Variants in COL6A3 observed in about 807,000 individuals in gnomAD.
COL6A3 encodes collagen alpha-3(VI) chain.
In COL6A3, 137 loss-of-function variants were observed where a neutral mutation model predicts 274.1. The observed-to-expected ratio is 0.50, with a 90% CI of 0.44 to 0.58. COL6A3 has a LOEUF of 0.58. Ranked by LOEUF, COL6A3 falls within the 20% of genes least tolerant of loss-of-function variation. The pLI is 0.00. For missense variants in COL6A3, 3,950 were observed against 4,124.9 expected (o/e 0.96, Z 1.16); for synonymous variants, 1,650 against 1,650.6 (o/e 1.00, Z 0.01).
At position 237,407,952 on chromosome 2, in the gene COL6A3, T is replaced by C. The variant is rs564156802; in HGVS notation, c.-31+6001A>G. Among the ~76,000 whole-genome samples, 2 of 152,330 alleles carry C rather than the reference T, an allele frequency of 1.3e-5. No individual in the cohort carries two copies. The highest frequency in any genetic ancestry group is 2.9e-5 in the Non-Finnish European group (2 of 68,026). ...GCCACGTGACGCTGCTGGATCCAAATTGGAGCTTGGCACTTATTCCTGTCT... is the reference window on the plus strand; with the variant it reads ...GCCACGTGACGCTGCTGGATCCAAACTGGAGCTTGGCACTTATTCCTGTCT... On this transcript the variant is annotated intron_variant, in intron 1 of 43. Coordinates refer to ENST00000295550, the MANE Select transcript of COL6A3 (RefSeq NM_004369.4). The surrounding 1 kb of genome is among the most constrained non-coding windows in gnomAD (Gnocchi z 4.3).
chr2:237,345,308 G>C, intron 32 of COL6A3, 95 bp from the exon 33 acceptor site: 1 of 1,221,216 alleles, frequency 8.2e-7, no homozygotes, highest in Non-Finnish European at 1.2e-6. Context: ...GCAAGACAAA[G>C]GGGCCCCTGG....
chr2:237,392,245 A>C (rs1474015990), intron 3 of COL6A3, among the ~76,000 whole-genome samples: 2 of 152,232 alleles, frequency 1.3e-5, no homozygotes, highest in African/African-American at 2.4e-5. Context: ...CCTCTTCTTC[A>C]TCAAGTTCTG....
At position 237,344,903 on chromosome 2, in the gene COL6A3, T is replaced by C; in HGVS notation, c.7174+38A>G. On this transcript the variant is annotated intron_variant, in intron 35 of 43. Transcript: ENST00000295550. The surrounding 1 kb of genome is among the most constrained non-coding windows in gnomAD (Gnocchi z 4.8). ...ACTGTACTTACTACAAAAGGGAGGCTTCCTTTCCTTAGGAGAAAGTCACCA... is the reference window on the plus strand; with the variant it reads ...ACTGTACTTACTACAAAAGGGAGGCCTCCTTTCCTTAGGAGAAAGTCACCA... 1 of 1,614,078 alleles carries C rather than the reference T, an allele frequency of 6.2e-7. No homozygotes were observed. The highest frequency in any genetic ancestry group is 1.3e-5 in the African/African-American group (1 of 75,038).
At position 237,361,013 on chromosome 2, in the gene COL6A3, G is replaced by A. The variant is rs1322108740; in HGVS notation, c.6210+108C>T. 5.3e-6 allele frequency: 5 copies of A among 943,802 alleles called. No individual in the cohort carries two copies. Among genetic ancestry groups the A allele is most frequent in the Non-Finnish European group, 7.0e-6 (4 of 573,866 alleles). The allele number at this position is 943,802 out of a possible 1,614,324, so 58.5% of individuals were successfully genotyped here. A position where few individuals can be genotyped will look rare whatever the true frequency, so the allele number is the denominator to read the frequency against. On this transcript the variant is annotated intron_variant, in intron 16 of 43. Transcript: ENST00000295550. The surrounding 1 kb of genome is among the most constrained non-coding windows in gnomAD (Gnocchi z 5.1). ...AGTATAAATTAATTTTTCTCCCAAA[G>A]GGAAAGCCATCAGCAACTGAACAAA... is the stretch of plus-strand genomic sequence containing the variant.
rs145340022 is a variant in COL6A3 at position 237,405,390 on chromosome 2, G to T, written c.-30-8543C>A. ...AAATTCCCTGGCAGCAAATTTTGGA[G>T]AACTTTTTCATTTAGATTATTAAAA... On this transcript the variant is annotated intron_variant, in intron 1 of 43. Transcript: ENST00000295550. Among the ~76,000 whole-genome samples, 624 of 152,272 alleles carry T rather than the reference G, an allele frequency of 4.1e-3. 7 individuals carry two copies. The highest frequency in any genetic ancestry group is 0.014 in the African/African-American group (600 of 41,568).
intron 26 of COL6A3, 88 bp from the exon 27 acceptor site, chr2:237,351,280 A>C (rs537287441): frequency 7.8e-7 from 1 of 1,287,504 alleles, no homozygotes; most frequent in African/African-American, 1.5e-5. Context: ...CCTGCATGGA[A>C]GTCAGAGCCC....
In COL6A3 at chr2:237,364,359, G is replaced by A. The variant is rs886042371; in HGVS notation, c.5908C>T (p.Arg1970Cys). The A allele has an allele frequency of 3.7e-6, 6 of 1,613,656 alleles. No individual in the cohort carries two copies. The highest frequency in any genetic ancestry group is 5.1e-6 in the Non-Finnish European group (6 of 1,179,660). The change falls in exon 13 of 44, where the codon CGC becomes TGC. Residue 1970 changes from arginine to cysteine, a missense_variant. This residue lies in a region of COL6A3 where 632 missense variants were observed against 623.4 expected (regional missense o/e 1.01). Coordinates refer to ENST00000295550, the MANE Select transcript of COL6A3 (RefSeq NM_004369.4). The surrounding 1 kb of genome is among the most constrained non-coding windows in gnomAD (Gnocchi z 4.6). ...AAGCCTTGGCACCTACCTTCTTGGC[G>A]GAGGTTCTCAGATGCTCTGTGTAAA... ...ADLHRASENL[R>C]QEGVRALILV...
In COL6A3 at chr2:237,340,841, T is replaced by C. The variant is rs371571488; in HGVS notation, c.8075A>G (p.Tyr2692Cys). ...GTCCACCAGCTTCTCCTTGGAGCCA[T>C]AGTCAGTCAGGGAGAATTCCACCTT... ...PVKVEFSLTD[Y>C]GSKEKLVDFL... is the part of the protein sequence containing the mutation. Residue 2692 changes from tyrosine to cysteine, a missense_variant, in exon 38 of 44, where the codon TAT (tyrosine) becomes TGT (cysteine). Transcript: ENST00000295550. The C allele has an allele frequency of 3.1e-5, 50 of 1,614,046 alleles. No individual in the cohort carries two copies. Among genetic ancestry groups the C allele is most frequent in the Middle Eastern group, 3.3e-4 (2 of 6,084 alleles).
At position 237,367,363 on chromosome 2, in the gene COL6A3, A is replaced by G. The variant is rs933724723; in HGVS notation, c.4901-77T>C. 8.8e-6 allele frequency: 13 copies of G among 1,478,480 alleles called. No individual in the cohort carries two copies. In the East Asian group the frequency reaches 2.5e-4, roughly 28 times the overall value. The allele number at this position is 1,478,480 out of a possible 1,614,324, so 91.6% of individuals were successfully genotyped here. The stretch of plus-strand genomic sequence containing the variant: ...ACATAAATACACAAAAGGTAAAATT[A>G]AATAACTGAAATAAGACATTCCTAA... On this transcript the variant is annotated intron_variant, in intron 10 of 43. Transcript: ENST00000295550.
At chr2:237,328,560 C>T (rs1228686464) in intron 42 of COL6A3, 1 of 152,204 alleles carries the variant, frequency 6.6e-6, no homozygotes, top group African/African-American at 2.4e-5. Context: ...GCAATGCTGT[C>T]ACAATGAGAA....
At position 237,381,207 on chromosome 2, in the gene COL6A3, G is replaced by T; in HGVS notation, c.1605C>A (p.Asn535Lys). The change falls in exon 5 of 44, where the codon AAC (asparagine) becomes AAA (lysine). Residue 535 changes from asparagine (N) to lysine (K), a missense_variant. By Grantham distance (94) the Asn-to-Lys change is moderately conservative. This residue lies in a region of COL6A3 where 1,934 missense variants were observed against 1,984.3 expected (regional missense o/e 0.97). Transcript: ENST00000295550. ...GGTAGCCGGCTGAACTCGTGAATAGGTTGTTACGAACAAAGTCTAGAGCAG... is the reference window on the plus strand; with the variant it reads ...GGTAGCCGGCTGAACTCGTGAATAGTTTGTTACGAACAAAGTCTAGAGCAG... ...TGSALDFVRN[N>K]LFTSSAGYRA... is the part of the protein sequence containing the mutation. 1 of 1,614,270 alleles carries T rather than the reference G, an allele frequency of 6.2e-7. No individual in the cohort carries two copies. The highest frequency in any genetic ancestry group is 8.5e-7 in the Non-Finnish European group (1 of 1,180,052).
chr2:237,355,236 T>C, intron 23 of COL6A3: 1 of 402,648 alleles, frequency 2.5e-6, no homozygotes, highest in Non-Finnish European at 4.5e-6. Context: ...TGACTCCTTT[T>C]GGCTGCACGA....
In COL6A3 at chr2:237,371,934, C is replaced by A. The variant is rs2106357056; in HGVS notation, c.4083G>T (p.Gln1361His). 5.6e-6 allele frequency: 9 copies of A among 1,614,086 alleles called. No individual in the cohort carries two copies. Among genetic ancestry groups the A allele is most frequent in the Middle Eastern group, 3.3e-4 (2 of 6,062 alleles). ...CGATCGTGAAAGGGGCCACGCCAAACTGCTTGAGCTCCACCGCCGGGTCGT... is the reference window on the plus strand; with the variant it reads ...CGATCGTGAAAGGGGCCACGCCAAAATGCTTGAGCTCCACCGCCGGGTCGT... ...EVDDPAVELKQFGVAPFTIAR... is the reference protein window; with the variant it reads ...EVDDPAVELKHFGVAPFTIAR... The change falls in exon 9 of 44, where the codon CAG (glutamine) becomes CAT (histidine). Residue 1361 changes from glutamine (Q) to histidine (H), a missense_variant. Around this residue, in one of 5 missense-constraint regions of COL6A3, gnomAD observed 1,934 missense variants for 1,984.3 expected, o/e 0.97. Coordinates refer to ENST00000295550, the MANE Select transcript of COL6A3 (RefSeq NM_004369.4). This position sits in a 1 kb window ranked among gnomAD's most constrained non-coding sequence, Gnocchi z 4.3.
Position 237,378,554 on chromosome 2 carries a change from T to C in COL6A3, c.2497+82A>G, listed in dbSNP as rs2077910167. ...ATTGTCTTTGTACAGTCCACAGTGC[T>C]CTTGAGTTCAGACTGGCAAACTACC... On this transcript the variant is annotated intron_variant, in intron 6 of 43. Coordinates refer to ENST00000295550, the MANE Select transcript of COL6A3 (RefSeq NM_004369.4). 9.4e-6 allele frequency: 15 copies of C among 1,599,680 alleles called. No homozygotes were observed. The South Asian group carries it at 1.7e-4, about 18-fold the overall frequency.
rs2106353277 is a variant in COL6A3 at position 237,369,074 on chromosome 2, A to C, written c.4389T>G (p.Val1463=). The C allele has an allele frequency of 6.2e-7, 1 of 1,614,238 alleles. No homozygotes were observed. Among genetic ancestry groups the C allele is most frequent in the Non-Finnish European group, 8.5e-7 (1 of 1,180,050 alleles). The part of the protein sequence containing the change: ...AHIRDFVSRI[V]RRLNIGPSKV... Reference sequence around the variant, plus strand: ...TACTGGGGCCGATGTTGAGTCTTCGAACAATCCTGCTAACAAAATCTCGAA... The same window carrying C: ...TACTGGGGCCGATGTTGAGTCTTCGCACAATCCTGCTAACAAAATCTCGAA... The change falls in exon 10 of 44, where the codon GTT becomes GTG. Residue 1463 remains valine (V), a synonymous_variant. Transcript: ENST00000295550.
At position 237,325,728 on chromosome 2, in the gene COL6A3, T is replaced by C. The variant is rs199800564; in HGVS notation, c.9329-4A>G. 1 of 1,612,484 alleles carries C rather than the reference T, an allele frequency of 6.2e-7. No individual in the cohort carries two copies. Among genetic ancestry groups the C allele is most frequent in the South Asian group, 1.1e-5 (1 of 91,036 alleles). Reference sequence around the variant, plus strand: ...TCTTTCGGCAACTTGCATATATCTTTAATAAAAACATGAGAAAAGGATATT... The same window carrying C: ...TCTTTCGGCAACTTGCATATATCTTCAATAAAAACATGAGAAAAGGATATT... On this transcript the variant is annotated splice_polypyrimidine_tract_variant and splice_region_variant and intron_variant, in intron 42 of 43. Coordinates refer to ENST00000295550, the MANE Select transcript of COL6A3 (RefSeq NM_004369.4).
At position 237,366,813 on chromosome 2, in the gene COL6A3, T is replaced by C. The variant is rs770213666; in HGVS notation, c.5374A>G (p.Asn1792Asp). ...DSEEVGKIAS[N>D]SATAFRVGNV... Reference sequence around the variant, plus strand: ...CCCACGCGGAACGCTGTGGCGCTGTTGGACGCTATCTTTCCAACCTCCTCC... The same window carrying C: ...CCCACGCGGAACGCTGTGGCGCTGTCGGACGCTATCTTTCCAACCTCCTCC... The change falls in exon 11 of 44, where the codon AAC becomes GAC. Residue 1792 changes from asparagine to aspartate, a missense_variant. This residue lies in a region of COL6A3 where 632 missense variants were observed against 623.4 expected (regional missense o/e 1.01). Coordinates refer to ENST00000295550, the MANE Select transcript of COL6A3 (RefSeq NM_004369.4). The C allele has an allele frequency of 6.8e-6, 11 of 1,614,274 alleles. No individual in the cohort carries two copies. The highest frequency in any genetic ancestry group is 9.3e-6 in the Non-Finnish European group (11 of 1,180,046).
In COL6A3 at chr2:237,346,490, GATAA is replaced by G; in HGVS notation, c.7092+9_7092+12del. On this transcript the variant is annotated intron_variant, in intron 32 of 43. Coordinates refer to ENST00000295550, the MANE Select transcript of COL6A3 (RefSeq NM_004369.4). ...GCCCCAGGTGGCCGGGTCAGAACTGGATAAATACTTACAGCTGGTCCTGGGTAGC... is the reference window on the plus strand; with the variant it reads ...GCCCCAGGTGGCCGGGTCAGAACTGGATACTTACAGCTGGTCCTGGGTAGC... 1 of 1,613,560 alleles carries G rather than the reference GATAA, an allele frequency of 6.2e-7. No homozygotes were observed. The highest frequency in any genetic ancestry group is 1.3e-5 in the African/African-American group (1 of 75,006).
intron 20 of COL6A3, 50 bp from the exon 21 acceptor site, chr2:237,358,633 A>T: frequency 6.8e-7 from 1 of 1,462,802 alleles, no homozygotes; most frequent in Non-Finnish European, 9.6e-7. Flanking sequence ...TTCCATTTTT[A>T]TCTCACCCTA....
Sources: allele counts gnomAD v4.1 joint callset (sites outside exome capture counted in the v4.1 genomes callset), GRCh38; gene constraint gnomAD v4.1.1; regional missense constraint gnomAD v4.1.1; non-coding constraint Gnocchi (gnomAD v3.1); transcripts MANE v1.5; gene names NCBI Gene and HGNC (gene_info 2026-07-23, HGNC 2026-07-21).